Variants in SCHIP1 observed in about 807,000 individuals in gnomAD.
SCHIP1 encodes the protein schwannomin interacting protein 1.
A neutral mutation model predicts 29.7 loss-of-function variants in SCHIP1; 8 were observed. That is an observed-to-expected ratio of 0.27 (90% CI 0.16 to 0.49). The LOEUF is 0.49. Among genes scored for constraint, SCHIP1 ranks in the 20% least tolerant of loss-of-function variants. SCHIP1 has a pLI of 0.99. For missense variants in SCHIP1, 193 were observed against 294.6 expected, an observed-to-expected ratio of 0.66 and a Z score of 2.52; for synonymous variants, 76 against 94.9, an observed-to-expected ratio of 0.80 and a Z score of 1.16.
chr3:159,686,170 AAG>A, the SCHIP1 span, among the ~76,000 whole-genome samples: 1 of 152,232 alleles, frequency 6.6e-6, no homozygotes, highest in African/African-American at 2.4e-5. Flanking sequence ...CAACTACAGA[AAG>A]AGTTGTTTTA....
At chr3:159,325,690 T>TA in the SCHIP1 span, among the ~76,000 whole-genome samples, 2 of 152,102 alleles carry the variant, frequency 1.3e-5, no homozygotes, top group Non-Finnish European at 2.9e-5. Context: ...TTCTTTTTTT[T>TA]AATTGTCAAT....
At chr3:159,734,787 C>CTTTTTTTTTTT in the SCHIP1 span, among the ~76,000 whole-genome samples, 93 of 110,490 alleles carry the variant, frequency 8.4e-4, no homozygotes, top group African/African-American at 1.1e-3. Context: ...CTTTTCTTGT[C>CTTTTTTTTTTT]TTTTTTTTTT....
chr3:159,783,908 G>A, the SCHIP1 span, among the ~76,000 whole-genome samples: 1 of 152,002 alleles, frequency 6.6e-6, no homozygotes, highest in South Asian at 2.1e-4. Context: ...TGAAGTAAAG[G>A]CGTTGTAATG....
At chr3:159,705,442 G>T in the SCHIP1 span, among the ~76,000 whole-genome samples, 1,302 of 152,060 alleles carry the variant, frequency 8.6e-3, 22 homozygotes, top group African/African-American at 0.029. Flanking sequence ...CCATCTTGAG[G>T]GTCCCCAGAG....
At chr3:159,687,623 T>C in the SCHIP1 span, among the ~76,000 whole-genome samples, 1 of 152,208 alleles carries the variant, frequency 6.6e-6, no homozygotes, top group Non-Finnish European at 1.5e-5. Flanking sequence ...TTATATACTG[T>C]AAGTTCTGGG....
At chr3:159,749,350 G>T in the SCHIP1 span, among the ~76,000 whole-genome samples, 14 of 150,606 alleles carry the variant, frequency 9.3e-5, no homozygotes, top group Non-Finnish European at 1.6e-4. Context: ...CCCCCATCTC[G>T]AAAGAGAATT....
chr3:159,375,729 AAAATAAAT>A, the SCHIP1 span: 19 of 782,274 alleles, frequency 2.4e-5, no homozygotes, highest in African/African-American at 9.8e-5. Context: ...ACTCCGTCTC[AAAATAAAT>A]AAATAAATAA....
the SCHIP1 span, among the ~76,000 whole-genome samples, chr3:159,276,247 A>G: frequency 2.0e-5 from 3 of 152,224 alleles, no homozygotes; most frequent in Non-Finnish European, 4.4e-5. Context: ...CAACAGGAGA[A>G]GTTCCAGTAG....
the SCHIP1 span, among the ~76,000 whole-genome samples, chr3:159,392,573 T>G: frequency 5.9e-5 from 9 of 151,992 alleles, no homozygotes; most frequent in African/African-American, 2.2e-4. Context: ...TTTGGTTTTT[T>G]GTTCTTGTGA....
At chr3:159,436,927 T>C in the SCHIP1 span, among the ~76,000 whole-genome samples, 1 of 152,102 alleles carries the variant, frequency 6.6e-6, no homozygotes, top group African/African-American at 2.4e-5. Context: ...TAAGGAGCTA[T>C]CATGGAAAGT....
At chr3:159,637,371 CCA>C in the SCHIP1 span, among the ~76,000 whole-genome samples, 28,116 of 134,296 alleles carry the variant, frequency 0.21, 3,032 homozygotes, top group Non-Finnish European at 0.27. Flanking sequence ...CCGGCCCCAG[CCA>C]CACACACACA....
chr3:159,736,166 T>C, the SCHIP1 span, among the ~76,000 whole-genome samples: 174 of 152,292 alleles, frequency 1.1e-3, 1 homozygote, highest in South Asian at 0.013. Flanking sequence ...AATTTAATGT[T>C]TAATAAAAAT....
the SCHIP1 span, among the ~76,000 whole-genome samples, chr3:159,403,150 G>A: frequency 6.6e-6 from 1 of 152,116 alleles, no homozygotes; most frequent in Admixed American, 6.6e-5. Context: ...CAAATAAAAT[G>A]TAGGGATAAT....
intron 1 of SCHIP1, among the ~76,000 whole-genome samples, chr3:159,842,410 T>G (rs181496953): frequency 1.3e-5 from 2 of 152,294 alleles, no homozygotes; most frequent in African/African-American, 4.8e-5. Context: ...ACAGCAATAA[T>G]AGCCTTCTAT....
the SCHIP1 span, among the ~76,000 whole-genome samples, chr3:159,379,643 G>A: frequency 8.3e-6 from 1 of 120,002 alleles, no homozygotes; most frequent in African/African-American, 3.4e-5. Flanking sequence ...ACACCTACAA[G>A]TTCCATAGAC....
the SCHIP1 span, among the ~76,000 whole-genome samples, chr3:159,557,482 A>G: frequency 5.9e-5 from 9 of 152,210 alleles, no homozygotes; most frequent in Non-Finnish European, 1.3e-4. Context: ...GAAAACAATA[A>G]TGTTACTTAG....
At chr3:159,892,442 A>G (rs1251003592) in intron 6 of SCHIP1, 6 of 592,844 alleles carry the variant, frequency 1.0e-5, no homozygotes, top group Non-Finnish European at 1.8e-5. Flanking sequence ...CTCCGCCTAA[A>G]TCAGGTCTAG....
At chr3:159,839,964 T>C in exon 1 of SCHIP1, 2 of 1,419,790 alleles carry the variant, frequency 1.4e-6, no homozygotes, top group Non-Finnish European at 1.8e-6. Flanking sequence ...CTCACTGGTT[T>C]CGGAGGGCTG....
chr3:159,569,965 T>C, the SCHIP1 span, among the ~76,000 whole-genome samples: 4 of 152,244 alleles, frequency 2.6e-5, no homozygotes, highest in Non-Finnish European at 5.9e-5. Context: ...CATAGATGTC[T>C]TCTTTTGAGA....
Sources: allele counts gnomAD v4.1 joint callset (sites outside exome capture counted in the v4.1 genomes callset), GRCh38; gene constraint gnomAD v4.1.1; transcripts MANE v1.5; gene names NCBI Gene and HGNC (gene_info 2026-07-23, HGNC 2026-07-21).